The following RAD51B variants were observed in gnomAD, a reference collection of about 807,000 sequenced individuals.
The protein encoded by RAD51B is DNA repair protein RAD51 homolog 2.
A neutral mutation model predicts 42.2 loss-of-function variants in RAD51B; 38 were observed. The observed-to-expected ratio is 0.90, with a 90% CI of 0.70 to 1.18. RAD51B has a LOEUF of 1.18. Ranked by LOEUF, RAD51B falls within the 50% of genes most tolerant of loss-of-function variation. The pLI is 0.00. For missense variants in RAD51B, 373 were observed against 400.7 expected (o/e 0.93, Z 0.59); for synonymous variants, 154 against 145.2 (o/e 1.06, Z -0.43).
chr14:68,578,505 G>A (rs560873232), intron 10 of RAD51B, among the ~76,000 whole-genome samples: 20 of 152,226 alleles, frequency 1.3e-4, no homozygotes, highest in African/African-American at 3.4e-4. Context: ...AGAATCTGCC[G>A]GCCCACCTCA....
chr14:68,539,153 AGCAGTTGCTCTCC>A (rs1432782076), intron 10 of RAD51B, among the ~76,000 whole-genome samples: 1 of 152,190 alleles, frequency 6.6e-6, no homozygotes, highest in Non-Finnish European at 1.5e-5. Context: ...ACTTCAAGAG[AGCAGTTGCTCTCC>A]ACAGGGATCC....
chr14:68,247,662 G>T (rs2080528155), intron 7 of RAD51B, among the ~76,000 whole-genome samples: 1 of 152,074 alleles, frequency 6.6e-6, no homozygotes, highest in African/African-American at 2.4e-5. Context: ...AGAAACACTT[G>T]GAATAATCTA....
At chr14:68,622,274 A>G (rs10483815) in intron 10 of RAD51B, among the ~76,000 whole-genome samples, 1 of 152,080 alleles carries the variant, frequency 6.6e-6, no homozygotes, top group African/African-American at 2.4e-5. Context: ...AGGAGGAGCC[A>G]TTCTGACTTC....
intron 7 of RAD51B, among the ~76,000 whole-genome samples, chr14:68,168,158 G>A (rs2078791446): frequency 6.6e-6 from 1 of 152,086 alleles, no homozygotes; most frequent in Non-Finnish European, 1.5e-5. Flanking sequence ...TACTCAGATA[G>A]GAAGAGGCTC....
chr14:67,978,449 A>T (rs1287413121), intron 7 of RAD51B, among the ~76,000 whole-genome samples: 2 of 152,186 alleles, frequency 1.3e-5, no homozygotes, highest in Admixed American at 6.5e-5. Flanking sequence ...CCTGCTCAAT[A>T]AAGCCAGTGT....
rs116012327 is a variant in RAD51B, at chr14:68,443,459, A to G, written c.958-24713A>G. Among the ~76,000 whole-genome samples the G allele has an allele frequency of 4.4e-3, 675 of 152,338 alleles. 3 individuals carry two copies. The highest frequency in any genetic ancestry group is 0.016 in the African/African-American group (652 of 41,560). On this transcript the variant is annotated intron_variant, in intron 9 of 10. Coordinates refer to ENST00000471583, the MANE Select transcript of RAD51B (RefSeq NM_133510.4). ...GGTTTTCCACATGCTATACATATCA[A>G]CGTAGCTTTTAAGTTTTCATCACTC...
chr14:67,931,722 C>T lies in RAD51B; in HGVS notation c.756+44518C>T, dbSNP rs756849965. On this transcript the variant is annotated intron_variant, in intron 7 of 10. Coordinates refer to ENST00000471583, the MANE Select transcript of RAD51B (RefSeq NM_133510.4). ...TTCACCATGTTGGCCAGGCTGGTCT[C>T]GACCTCTTGACCTCAGGTGATCCAT... 5.3e-5 allele frequency among the ~76,000 whole-genome samples: 8 copies of T among 151,994 alleles called. No homozygotes were observed. In the East Asian group the frequency reaches 9.7e-4, roughly 18 times the overall value.
intron 7 of RAD51B, among the ~76,000 whole-genome samples, chr14:68,275,794 C>CCACACACA (rs10641411): frequency 0.015 from 2,133 of 141,328 alleles, 20 homozygotes; most frequent in Middle Eastern, 0.018. Flanking sequence ...AACTAGCTCT[C>CCACACACA]CACACACACA....
intron 7 of RAD51B, among the ~76,000 whole-genome samples, chr14:68,260,597 T>A (rs2080868248): frequency 6.6e-6 from 1 of 152,128 alleles, no homozygotes; most frequent in African/African-American, 2.4e-5. Flanking sequence ...AGGGGGATCT[T>A]AGCAAAGCCT....
At chr14:68,150,698 T>G (rs1006669952) in intron 7 of RAD51B, among the ~76,000 whole-genome samples, 7 of 152,178 alleles carry the variant, frequency 4.6e-5, no homozygotes, top group African/African-American at 1.7e-4. Flanking sequence ...GTTTTTATGA[T>G]TCCATTTACC....
chr14:68,357,096 A>G (rs1028233951), intron 8 of RAD51B, among the ~76,000 whole-genome samples: 3 of 152,212 alleles, frequency 2.0e-5, no homozygotes, highest in Non-Finnish European at 4.4e-5. Context: ...TCCACGGTAG[A>G]ACTTCTTTCA....
chr14:68,496,999 TG>T (rs1884574538), intron 10 of RAD51B: 5 of 913,526 alleles, frequency 5.5e-6, no homozygotes, highest in Non-Finnish European at 6.1e-6. Context: ...ACAAACAGAA[TG>T]GGGGCATGAA....
intron 4 of RAD51B, among the ~76,000 whole-genome samples, chr14:67,852,165 G>A (rs934388666): frequency 1.3e-5 from 2 of 152,204 alleles, no homozygotes; most frequent in African/African-American, 4.8e-5. Context: ...AGCCGTGACC[G>A]ACTGACCAGA....
intron 7 of RAD51B, among the ~76,000 whole-genome samples, chr14:68,120,905 C>T (rs531547304): frequency 6.6e-6 from 1 of 152,198 alleles, no homozygotes; most frequent in South Asian, 2.1e-4. Context: ...ACATTTATTT[C>T]TGTTACTCTC....
chr14:68,180,096 T>C (rs1280090090), intron 7 of RAD51B, among the ~76,000 whole-genome samples: 1 of 152,166 alleles, frequency 6.6e-6, no homozygotes, highest in East Asian at 1.9e-4. Flanking sequence ...CTGAATAACA[T>C]GTATAGGCTA....
At chr14:68,497,531 G>A (rs1193541994) in intron 10 of RAD51B, 7 of 1,054,746 alleles carry the variant, frequency 6.6e-6, no homozygotes, top group Non-Finnish European at 8.0e-6. Context: ...CATTTTGATG[G>A]AGGTGAAATT....
chr14:68,402,178 T>C (rs1396700962), intron 8 of RAD51B, among the ~76,000 whole-genome samples: 1 of 152,250 alleles, frequency 6.6e-6, no homozygotes, highest in Non-Finnish European at 1.5e-5. Flanking sequence ...TCCTGTGGTC[T>C]CACAGAGCTT....
At chr14:68,624,693 G>A (rs570583352) in intron 10 of RAD51B, among the ~76,000 whole-genome samples, 1 of 152,132 alleles carries the variant, frequency 6.6e-6, no homozygotes, top group South Asian at 2.1e-4. Context: ...CAGCGCATGC[G>A]TGGGCAGTTC....
chr14:68,282,498 G>A (rs1321423017), intron 7 of RAD51B, among the ~76,000 whole-genome samples: 2 of 152,158 alleles, frequency 1.3e-5, no homozygotes, highest in African/African-American at 2.4e-5. Context: ...GGTTATTATT[G>A]TGTGTCTATA....
Sources: gnomAD v4.1 joint callset for allele counts (sites outside exome capture counted in the v4.1 genomes callset) on GRCh38, gnomAD v4.1.1 for gene constraint, MANE v1.5 for transcripts, NCBI Gene and HGNC (gene_info 2026-07-23, HGNC 2026-07-21) for gene names.